CAMSAP1: variants seen among roughly 807,000 people sequenced by gnomAD.
CAMSAP1 encodes calmodulin regulated spectrin associated protein 1.
Under a neutral mutation model 143.5 loss-of-function variants are expected in CAMSAP1, and 58 were observed. The observed-to-expected ratio is 0.40, with a 90% CI of 0.33 to 0.50. The LOEUF (loss-of-function observed/expected upper bound fraction) is 0.50, where lower values mean the gene tolerates loss of function less well. Among genes scored for constraint, CAMSAP1 ranks in the 20% least tolerant of loss-of-function variants. The pLI, the probability that CAMSAP1 is intolerant of heterozygous loss-of-function variation, is 0.45. For missense variants in CAMSAP1, 1,969 were observed against 2,115.7 expected (o/e 0.93, Z 1.36); for synonymous variants, 945 against 859.3 (o/e 1.10, Z -1.74).
intron 5 of CAMSAP1, 63 bp downstream of exon 5, chr9:135,862,404 T>G: frequency 6.7e-7 from 1 of 1,494,964 alleles, no homozygotes; most frequent in African/African-American, 1.4e-5. Context: ...TGTGGATCAA[T>G]GTACACTATA....
Position 135,818,466 on chromosome 9 carries a change from C to T in CAMSAP1, c.4110G>A (p.Pro1370=), listed in dbSNP as rs1463258098. 2 of 1,604,986 alleles carry T rather than the reference C, an allele frequency of 1.2e-6. No homozygotes were observed. Among genetic ancestry groups the T allele is most frequent in the East Asian group, 2.2e-5 (1 of 44,752 alleles). The part of the protein sequence containing the change: ...KPKSKPKKPR[P]KSVHREESCS... Reference sequence around the variant, plus strand: ...ACGACTCTTCCCGGTGCACCGACTTCGGCCGCGGCTTCTTCGGCTTTGACT... The same window carrying T: ...ACGACTCTTCCCGGTGCACCGACTTTGGCCGCGGCTTCTTCGGCTTTGACT... The change falls in exon 13 of 17, where the codon CCG becomes CCA. Residue 1370 remains proline, a synonymous_variant. Transcript: ENST00000389532. The surrounding 1 kb of genome is among the most constrained non-coding windows in gnomAD (Gnocchi z 7.7).
chr9:135,907,088 G>A lies in CAMSAP1; in HGVS notation c.72C>T (p.Ala24=), dbSNP rs766700931. The part of the protein sequence containing the change: ...RKMEAPPDGA[A]DLVPLDRYDA... ...CGTAGCGGTCCAGGGGCACGAGGTC[G>A]GCGGCGCCGTCCGGCGGGGCCTCCA... The change falls in exon 1 of 17, where the codon GCC becomes GCT. Residue 24 remains alanine (A), a synonymous_variant. Transcript: ENST00000389532. 8.7e-6 allele frequency: 10 copies of A among 1,153,596 alleles called. No individual in the cohort carries two copies. Among genetic ancestry groups the A allele is most frequent in the Non-Finnish European group, 8.6e-6 (8 of 933,742 alleles). 71.5% of individuals were successfully genotyped at this position (1,153,596 alleles called of 1,614,324 possible).
chr9:135,863,519 A>T (rs1189776369), intron 4 of CAMSAP1, among the ~76,000 whole-genome samples: 1 of 152,220 alleles, frequency 6.6e-6, no homozygotes, highest in Admixed American at 6.5e-5. Context: ...AATCTACAAT[A>T]AAAAATGACT....
intron 1 of CAMSAP1, among the ~76,000 whole-genome samples, chr9:135,893,667 T>C (rs1225128129): frequency 6.6e-6 from 1 of 152,190 alleles, no homozygotes; most frequent in Non-Finnish European, 1.5e-5. Flanking sequence ...AATCTTCCAA[T>C]ACTTGTGAAG....
intron 7 of CAMSAP1, among the ~76,000 whole-genome samples, chr9:135,847,524 TA>T (rs964769844): frequency 3.8e-4 from 57 of 150,768 alleles, no homozygotes; most frequent in African/African-American, 1.1e-3. Context: ...ATGCAGCCAT[TA>T]AAAAAAAGGA....
At chr9:135,903,808 T>C (rs1309101913) in intron 1 of CAMSAP1, among the ~76,000 whole-genome samples, 1 of 151,924 alleles carries the variant, frequency 6.6e-6, no homozygotes, top group Non-Finnish European at 1.5e-5. Flanking sequence ...GCTGGAGAGG[T>C]ACATGGAGAC....
chr9:135,860,425 C>T (rs957655452), intron 5 of CAMSAP1, among the ~76,000 whole-genome samples: 3 of 151,746 alleles, frequency 2.0e-5, no homozygotes, highest in Admixed American at 2.0e-4. Context: ...TGGTGAAACC[C>T]CATCTCTACT....
At chr9:135,880,807 T>C (rs1191593778) in intron 3 of CAMSAP1, among the ~76,000 whole-genome samples, 3 of 152,230 alleles carry the variant, frequency 2.0e-5, no homozygotes, top group Admixed American at 2.0e-4. Context: ...CCTTTTTGCA[T>C]ATCAGGATGC....
At chr9:135,855,848 C>T (rs553209404) in intron 5 of CAMSAP1, among the ~76,000 whole-genome samples, 107 of 150,890 alleles carry the variant, frequency 7.1e-4, no homozygotes, top group Non-Finnish European at 1.3e-3. Context: ...GTCAGGAGAT[C>T]AAGACCATCC....
At chr9:135,836,258 C>T (rs1836031228) in intron 7 of CAMSAP1, 1 of 984,470 alleles carries the variant, frequency 1.0e-6, no homozygotes. Flanking sequence ...CACCACCTAC[C>T]TTTACCCATT....
Position 135,823,059 on chromosome 9 carries a change from A to C in CAMSAP1, c.1602T>G (p.Ser534Arg). ...CAAGCTCCTCTTCCTCATCCTCAATACTGACATTGCTCAGGAGGCTCTTCC... is the reference window on the plus strand; with the variant it reads ...CAAGCTCCTCTTCCTCATCCTCAATCCTGACATTGCTCAGGAGGCTCTTCC... ...SHGKSLLSNV[S>R]IEDEEEELVA... The change falls in exon 11 of 17, where the codon AGT (serine) becomes AGG (arginine). Residue 534 changes from serine to arginine, a missense_variant. Ser to Arg is a moderately radical substitution (Grantham distance 110). Transcript: ENST00000389532. The C allele has an allele frequency of 6.2e-7, 1 of 1,613,838 alleles. No individual in the cohort carries two copies. Among genetic ancestry groups the C allele is most frequent in the East Asian group, 2.2e-5 (1 of 44,864 alleles).
At chr9:135,881,974 G>A (rs922756527) in intron 2 of CAMSAP1, among the ~76,000 whole-genome samples, 180 bp from the exon 3 acceptor site, 1 of 152,196 alleles carries the variant, frequency 6.6e-6, no homozygotes, top group African/African-American at 2.4e-5. Context: ...TCCAAGCCTG[G>A]CATTTCTGGT....
intron 1 of CAMSAP1, among the ~76,000 whole-genome samples, chr9:135,886,275 A>G (rs1447521129): frequency 2.0e-5 from 3 of 152,172 alleles, no homozygotes; most frequent in Non-Finnish European, 4.4e-5. Context: ...AGACAACTGA[A>G]AAGTCAACAG....
chr9:135,860,493 G>A (rs1837144307), intron 5 of CAMSAP1, among the ~76,000 whole-genome samples: 1 of 151,468 alleles, frequency 6.6e-6, no homozygotes, highest in Admixed American at 6.6e-5. Context: ...AGCTACTCGG[G>A]AGGCTGAGGT....
chr9:135,878,245 G>T (rs1047665964), intron 3 of CAMSAP1, among the ~76,000 whole-genome samples: 2 of 152,200 alleles, frequency 1.3e-5, no homozygotes, highest in Non-Finnish European at 2.9e-5. Context: ...GTCCAGGATG[G>T]CAGACATGCA....
chr9:135,850,814 C>T (rs1836751555), intron 5 of CAMSAP1, among the ~76,000 whole-genome samples: 1 of 152,166 alleles, frequency 6.6e-6, no homozygotes, highest in African/African-American at 2.4e-5. Flanking sequence ...GAGTTTCTTC[C>T]GCCCATCAGA....
intron 7 of CAMSAP1, among the ~76,000 whole-genome samples, chr9:135,828,705 G>A (rs115716906): frequency 0.012 from 1,755 of 152,304 alleles, 32 homozygotes; most frequent in African/African-American, 0.04. Context: ...CTGGCCCCAC[G>A]CTTAGATGAT....
rs1835447107 is a variant in CAMSAP1, at chr9:135,821,286, G to A, written c.3375C>T (p.Pro1125=). Residue 1125 remains proline (P), a synonymous_variant, in exon 11 of 17, where the codon CCC becomes CCT. Coordinates refer to ENST00000389532, the MANE Select transcript of CAMSAP1 (RefSeq NM_015447.4). The surrounding 1 kb of genome is among the most constrained non-coding windows in gnomAD (Gnocchi z 4.6). The part of the protein sequence containing the change: ...QGSSRSKTPT[P]SVETLPHLRP... ...TCAAGTGCGGGAGCGTCTCTACACT[G>A]GGCGTTGGGGTTTTACTTCGGGAGG... 6 of 1,611,300 alleles carry A rather than the reference G, an allele frequency of 3.7e-6. No homozygotes were observed. Among genetic ancestry groups the A allele is most frequent in the South Asian group, 1.1e-5 (1 of 91,084 alleles).
At chr9:135,876,977 C>A (rs1047193032) in intron 3 of CAMSAP1, among the ~76,000 whole-genome samples, 3 of 152,134 alleles carry the variant, frequency 2.0e-5, no homozygotes, top group African/African-American at 4.8e-5. Context: ...CCACTACCCT[C>A]TAGCCTGGGT....
Sources: gnomAD v4.1 joint callset for allele counts (sites outside exome capture counted in the v4.1 genomes callset) on GRCh38, gnomAD v4.1.1 for gene constraint, Gnocchi (gnomAD v3.1) non-coding constraint, MANE v1.5 for transcripts, NCBI Gene and HGNC (gene_info 2026-07-23, HGNC 2026-07-21) for gene names.